LDLRAD4: variants seen among roughly 807,000 people sequenced by gnomAD.
LDLRAD4 encodes low density lipoprotein receptor class A domain containing 4.
Under a neutral mutation model 17.0 loss-of-function variants are expected in LDLRAD4, and 5 were observed. The observed-to-expected ratio is 0.29, with a 90% CI of 0.15 to 0.62. The LOEUF (loss-of-function observed/expected upper bound fraction) is 0.62, where lower values mean the gene tolerates loss of function less well. Ranked by LOEUF, LDLRAD4 falls within the 20% of genes least tolerant of loss-of-function variation. LDLRAD4 has a pLI of 0.84. For synonymous variants in LDLRAD4, 168 were observed against 171.8 expected, an observed-to-expected ratio of 0.98 and a Z score of 0.17; for missense variants, 340 against 424.7, an observed-to-expected ratio of 0.80 and a Z score of 1.75.
At chr18:13,349,693 G>A (rs1404056293) in intron 1 of LDLRAD4, among the ~76,000 whole-genome samples, 1 of 152,218 alleles carries the variant, frequency 6.6e-6, no homozygotes, top group Non-Finnish European at 1.5e-5. Context: ...GTATACATGT[G>A]CCATAGCGGT....
At chr18:13,450,325 C>CCA (rs2091730420) in intron 3 of LDLRAD4, among the ~76,000 whole-genome samples, 19 of 89,724 alleles carry the variant, frequency 2.1e-4, no homozygotes, top group South Asian at 3.7e-4. Flanking sequence ...TCTCTCCCCC[C>CCA]ACCCCCCCCC....
chr18:13,418,827 C>T (rs1190675954), intron 2 of LDLRAD4, among the ~76,000 whole-genome samples: 1 of 152,188 alleles, frequency 6.6e-6, no homozygotes, highest in African/African-American at 2.4e-5. Flanking sequence ...AGCTAAGCCG[C>T]CACACCTGGT....
chr18:13,511,767 G>A (rs924243593), intron 3 of LDLRAD4, among the ~76,000 whole-genome samples: 7 of 152,118 alleles, frequency 4.6e-5, no homozygotes, highest in Non-Finnish European at 1.0e-4. Flanking sequence ...GTTCTCCCTC[G>A]GGCGTGCTGG....
At chr18:13,449,281 C>T (rs1365707050) in intron 3 of LDLRAD4, among the ~76,000 whole-genome samples, 1 of 152,166 alleles carries the variant, frequency 6.6e-6, no homozygotes, top group Non-Finnish European at 1.5e-5. Flanking sequence ...AGACCCTTTG[C>T]TTGCTGTTCA....
chr18:13,493,910 C>G (rs1381808906), intron 3 of LDLRAD4, among the ~76,000 whole-genome samples: 1 of 152,248 alleles, frequency 6.6e-6, no homozygotes, highest in Non-Finnish European at 1.5e-5. Context: ...TGCGGGGCCA[C>G]CCAGGGGGTC....
At chr18:13,587,929 A>G (rs2094956291) in intron 3 of LDLRAD4, among the ~76,000 whole-genome samples, 1 of 152,192 alleles carries the variant, frequency 6.6e-6, no homozygotes, top group South Asian at 2.1e-4. Flanking sequence ...TCTCTTTCAT[A>G]TAAATTGGAT....
intron 1 of LDLRAD4, among the ~76,000 whole-genome samples, chr18:13,322,887 A>G (rs1427136289): frequency 6.6e-6 from 1 of 151,480 alleles, no homozygotes; most frequent in Non-Finnish European, 1.5e-5. Flanking sequence ...GGCCTCCCAA[A>G]TTGCTGGCAT....
chr18:13,533,330 A>T (rs564840515), intron 3 of LDLRAD4, among the ~76,000 whole-genome samples: 2 of 152,328 alleles, frequency 1.3e-5, no homozygotes, highest in African/African-American at 4.8e-5. Flanking sequence ...TTAACTCCTC[A>T]TGACCACTTT....
chr18:13,222,224 G>C (rs912061328), intron 1 of LDLRAD4, among the ~76,000 whole-genome samples: 1 of 151,966 alleles, frequency 6.6e-6, no homozygotes, highest in Non-Finnish European at 1.5e-5. Flanking sequence ...ACTTGGCATC[G>C]GAAAAATGTC....
intron 3 of LDLRAD4, among the ~76,000 whole-genome samples, chr18:13,537,674 C>T (rs987898852): frequency 2.0e-5 from 3 of 152,158 alleles, no homozygotes; most frequent in Admixed American, 6.5e-5. Flanking sequence ...TAGCCTGCTG[C>T]TCCAACCACC....
chr18:13,393,168 A>C (rs2086405156), intron 2 of LDLRAD4, among the ~76,000 whole-genome samples: 1 of 152,090 alleles, frequency 6.6e-6, no homozygotes, highest in Non-Finnish European at 1.5e-5. Flanking sequence ...TGACCCACGG[A>C]TGCCCTCAGC....
At chr18:13,292,872 T>G (rs1400417535) in intron 1 of LDLRAD4, among the ~76,000 whole-genome samples, 1 of 152,230 alleles carries the variant, frequency 6.6e-6, no homozygotes, top group Non-Finnish European at 1.5e-5. Flanking sequence ...CAAAGGCCAC[T>G]GGAGAGAGAT....
At chr18:13,358,962 T>C (rs944244383) in intron 1 of LDLRAD4, among the ~76,000 whole-genome samples, 1 of 152,196 alleles carries the variant, frequency 6.6e-6, no homozygotes, top group African/African-American at 2.4e-5. Context: ...GAGAAAAGAA[T>C]AGTAGTAAAC....
intron 1 of LDLRAD4, among the ~76,000 whole-genome samples, chr18:13,363,163 T>G (rs1292845414): frequency 6.6e-6 from 1 of 151,824 alleles, no homozygotes; most frequent in Non-Finnish European, 1.5e-5. Context: ...ACCCCGTGTC[T>G]GCTAAAAATA....
intron 3 of LDLRAD4, among the ~76,000 whole-genome samples, chr18:13,519,382 C>T (rs1344869921): frequency 6.6e-6 from 1 of 152,216 alleles, no homozygotes; most frequent in Non-Finnish European, 1.5e-5. Context: ...AGCTCTTTCC[C>T]TGTCTGCCTT....
chr18:13,240,642 A>T (rs563897080), intron 1 of LDLRAD4: 1 of 151,506 alleles, frequency 6.6e-6, no homozygotes, highest in Non-Finnish European at 1.5e-5. Context: ...GCATGTGTGC[A>T]TGCGCATGTA....
At chr18:13,481,135 G>A (rs993900005) in intron 3 of LDLRAD4, among the ~76,000 whole-genome samples, 2 of 152,232 alleles carry the variant, frequency 1.3e-5, no homozygotes, top group African/African-American at 4.8e-5. Context: ...CCTGGAAGCT[G>A]AGAGCAGTTT....
intron 1 of LDLRAD4, among the ~76,000 whole-genome samples, chr18:13,307,079 G>A (rs1464878192): frequency 2.6e-5 from 4 of 152,288 alleles, no homozygotes; most frequent in East Asian, 3.9e-4. Flanking sequence ...ACATGAATCC[G>A]TCTATGAAGT....
chr18:13,299,232 A>G (rs897880259), intron 1 of LDLRAD4, among the ~76,000 whole-genome samples: 13 of 152,254 alleles, frequency 8.5e-5, no homozygotes, highest in African/African-American at 3.1e-4. Context: ...GACACATTTT[A>G]GCAAACGTAG....
Sources: gnomAD v4.1 joint callset for allele counts (sites outside exome capture counted in the v4.1 genomes callset) on GRCh38, gnomAD v4.1.1 for gene constraint, MANE v1.5 for transcripts, NCBI Gene and HGNC (gene_info 2026-07-23, HGNC 2026-07-21) for gene names.